Variants in CTCF observed in about 807,000 individuals in gnomAD.
CTCF encodes CCCTC-binding factor, also known as transcriptional repressor CTCF.
Under a neutral mutation model 72.3 loss-of-function variants are expected in CTCF, and 7 were observed. That is an observed-to-expected ratio of 0.10 (90% confidence interval 0.06 to 0.18). The LOEUF is 0.18. Ranked by LOEUF, CTCF falls within the 10% of genes least tolerant of loss-of-function variation. CTCF has a pLI of 1.00. For synonymous variants in CTCF, 374 were observed against 315.8 expected (o/e 1.18, Z -1.95); for missense variants, 516 against 949.1 (o/e 0.54, Z 6.00).
chr16:67,606,381 G>A (rs2051973419), intron 2 of CTCF, among the ~76,000 whole-genome samples: 1 of 152,178 alleles, frequency 6.6e-6, no homozygotes, highest in Admixed American at 6.5e-5. Context: ...ACCTGGTTAT[G>A]TTATCTTTCT....
intron 2 of CTCF, among the ~76,000 whole-genome samples, chr16:67,574,230 G>A (rs1400973727): frequency 6.6e-6 from 1 of 152,046 alleles, no homozygotes; most frequent in Non-Finnish European, 1.5e-5. Flanking sequence ...CTGACCAACT[G>A]GCTTCAAGTT....
chr16:67,628,980 A>G (rs1304660792), intron 9 of CTCF, among the ~76,000 whole-genome samples: 2 of 151,690 alleles, frequency 1.3e-5, no homozygotes, highest in Non-Finnish European at 2.9e-5. Context: ...TGTACCCGGG[A>G]GGCAGAGCTT....
At chr16:67,578,764 A>G (rs896573235) in intron 2 of CTCF, among the ~76,000 whole-genome samples, 6 of 151,618 alleles carry the variant, frequency 4.0e-5, no homozygotes, top group African/African-American at 1.4e-4. Context: ...CCTGGCCAAC[A>G]TGGTGAAACC....
At chr16:67,618,088 G>A (rs910742173) in intron 5 of CTCF, among the ~76,000 whole-genome samples, 28 of 152,098 alleles carry the variant, frequency 1.8e-4, no homozygotes, top group Admixed American at 1.6e-3. Flanking sequence ...AGCAAGTTAC[G>A]TATAGGAGAA....
chr16:67,626,824 T>C, intron 8 of CTCF, 109 bp downstream of exon 8: 1 of 785,944 alleles, frequency 1.3e-6, no homozygotes. Flanking sequence ...ATTTTCAAAC[T>C]GTGGATTATG....
chr16:67,636,569 G>GTATATATATATATATATATA (rs66893507), intron 10 of CTCF, 121 bp from the exon 11 acceptor site: 10 of 234,546 alleles, frequency 4.3e-5, no homozygotes, highest in African/African-American at 2.3e-4. Flanking sequence ...GAAAGAAAGT[G>GTATATATATATATATATATA]TATATATATA....
At chr16:67,594,320 G>C (rs976203568) in intron 2 of CTCF, among the ~76,000 whole-genome samples, 1 of 151,404 alleles carries the variant, frequency 6.6e-6, no homozygotes, top group African/African-American at 2.4e-5. Flanking sequence ...GGATGTCAAG[G>C]CTGTAGTGAG....
chr16:67,637,195 A>G (rs2052442474), intron 11 of CTCF, among the ~76,000 whole-genome samples: 1 of 152,178 alleles, frequency 6.6e-6, no homozygotes, highest in Non-Finnish European at 1.5e-5. Context: ...CCAAATCGTA[A>G]AGGTTGGAGA....
At chr16:67,594,919 C>T (rs2051791950) in intron 2 of CTCF, among the ~76,000 whole-genome samples, 1 of 152,096 alleles carries the variant, frequency 6.6e-6, no homozygotes, top group African/African-American at 2.4e-5. Context: ...GTTGAGATGA[C>T]TTTGATTTAG....
intron 2 of CTCF, among the ~76,000 whole-genome samples, chr16:67,589,835 C>T (rs1199024820): frequency 6.6e-6 from 1 of 152,114 alleles, no homozygotes; most frequent in Non-Finnish European, 1.5e-5. Context: ...ACCTGTAATA[C>T]CGGCATTTGG....
intron 2 of CTCF, among the ~76,000 whole-genome samples, chr16:67,584,412 C>G (rs2051637489): frequency 7.0e-6 from 1 of 142,602 alleles, no homozygotes; most frequent in South Asian, 2.3e-4. Context: ...ACGATCTCGG[C>G]TCACCGCAAC....
rs760473867 is a variant in CTCF, at chr16:67,621,428, T to C, written c.1208-14T>C. ...TCATTTCATTTATGTGTTCATTCTG[T>C]ATTTTCTTTAAAGGGGAAAAGCCTT... On this transcript the variant is annotated splice_polypyrimidine_tract_variant and intron_variant, in intron 6 of 11. Coordinates refer to ENST00000264010, the MANE Select transcript of CTCF (RefSeq NM_006565.4). The C allele has an allele frequency of 1.5e-5, 24 of 1,572,532 alleles. No individual in the cohort carries two copies. The highest frequency in any genetic ancestry group is 3.3e-4 in the Middle Eastern group (2 of 5,978).
chr16:67,616,589 A>G, intron 4 of CTCF, 156 bp from the exon 5 acceptor site: 1 of 748,252 alleles, frequency 1.3e-6, no homozygotes, highest in South Asian at 1.8e-5. Flanking sequence ...GCCCTCCCAT[A>G]GTTTTCGGAG....
chr16:67,576,337 A>G (rs1011695052), intron 2 of CTCF, among the ~76,000 whole-genome samples: 1 of 152,028 alleles, frequency 6.6e-6, no homozygotes, highest in Non-Finnish European at 1.5e-5. Flanking sequence ...AAAAAGACTA[A>G]ACAGACGTGG....
chr16:67,584,537 A>G (rs572743546), intron 2 of CTCF, among the ~76,000 whole-genome samples: 2 of 151,726 alleles, frequency 1.3e-5, no homozygotes, highest in East Asian at 4.0e-4. Flanking sequence ...CATCTTGGCC[A>G]GGCTGGTCTT....
intron 2 of CTCF, among the ~76,000 whole-genome samples, chr16:67,602,806 A>G (rs561069237): frequency 3.7e-4 from 55 of 146,800 alleles, no homozygotes; most frequent in African/African-American, 1.4e-3. Context: ...GCGCCATTGC[A>G]CTCCAGCCTA....
intron 10 of CTCF, among the ~76,000 whole-genome samples, chr16:67,631,315 C>T (rs1310015809): frequency 2.6e-5 from 4 of 151,934 alleles, no homozygotes; most frequent in Non-Finnish European, 5.9e-5. Context: ...CAGGCATGCC[C>T]CACCACACCC....
chr16:67,602,607 C>A (rs181601436), intron 2 of CTCF, among the ~76,000 whole-genome samples: 2 of 151,884 alleles, frequency 1.3e-5, no homozygotes, highest in Admixed American at 1.3e-4. Flanking sequence ...TTTGGGAGGC[C>A]GAGGCCGGCA....
intron 2 of CTCF, among the ~76,000 whole-genome samples, chr16:67,608,062 C>T (rs1307909082): frequency 1.4e-5 from 2 of 146,168 alleles, no homozygotes; most frequent in South Asian, 2.2e-4. Flanking sequence ...CAGTGGCTCA[C>T]ACCTGTAATC....
Sources: gnomAD v4.1 joint callset for allele counts (sites outside exome capture counted in the v4.1 genomes callset) on GRCh38, gnomAD v4.1.1 for gene constraint, MANE v1.5 for transcripts, NCBI Gene and HGNC (gene_info 2026-07-23, HGNC 2026-07-21) for gene names.